GRM1: variants seen among roughly 807,000 people sequenced by gnomAD.
GRM1 encodes glutamate metabotropic receptor 1.
Under a neutral mutation model 90.9 loss-of-function variants are expected in GRM1, and 33 were observed. That is an observed-to-expected ratio of 0.36 (90% CI 0.28 to 0.49). The LOEUF is 0.49. Ranked by LOEUF, GRM1 falls within the 20% of genes least tolerant of loss-of-function variation. The pLI, the probability that GRM1 is intolerant of heterozygous loss-of-function variation, is 0.99. For missense variants in GRM1, 1,190 were observed against 1,534.3 expected (o/e 0.78, Z 3.75); for synonymous variants, 700 against 613.2 (o/e 1.14, Z -2.09).
intron 2 of GRM1, among the ~76,000 whole-genome samples, chr6:146,190,352 C>G (rs1778893754): frequency 6.6e-6 from 1 of 152,100 alleles, no homozygotes; most frequent in Non-Finnish European, 1.5e-5. Flanking sequence ...ACATTTTGAA[C>G]TAGTAAACAT....
At chr6:146,131,106 A>G (rs1405392655) in intron 1 of GRM1, among the ~76,000 whole-genome samples, 1 of 152,206 alleles carries the variant, frequency 6.6e-6, no homozygotes, top group Non-Finnish European at 1.5e-5. Context: ...AGGAGTTAGA[A>G]TAATTAAACA....
At chr6:146,384,420 G>A (rs940530563) in intron 5 of GRM1, among the ~76,000 whole-genome samples, 2 of 151,994 alleles carry the variant, frequency 1.3e-5, no homozygotes, top group African/African-American at 2.4e-5. Flanking sequence ...TAATAATGAG[G>A]CTAAACTATT....
At chr6:146,050,226 T>C (rs1487967244) in intron 1 of GRM1, among the ~76,000 whole-genome samples, 2 of 152,022 alleles carry the variant, frequency 1.3e-5, no homozygotes, top group African/African-American at 4.8e-5. Flanking sequence ...CCCAACTCAT[T>C]ACCAATTCAG....
chr6:146,208,462 T>G (rs1261847089), intron 2 of GRM1, among the ~76,000 whole-genome samples: 1 of 152,194 alleles, frequency 6.6e-6, no homozygotes, highest in Non-Finnish European at 1.5e-5. Context: ...TAACATTGGT[T>G]ATTCATACAG....
Position 146,336,491 on chromosome 6 carries a change from G to A in GRM1, c.1187-15759G>A, listed in dbSNP as rs896587191. Among the ~76,000 whole-genome samples, 11 of 152,282 alleles carry A rather than the reference G, an allele frequency of 7.2e-5. No homozygotes were observed. In the East Asian group the frequency reaches 1.2e-3, roughly 16 times the overall value. ...GGTTGAGTTCTGGCATACAGCAAAC[G>A]ATGGGGGAACAGAGTCTTCCTGATG... On this transcript the variant is annotated intron_variant, in intron 3 of 7. Coordinates refer to ENST00000282753, the MANE Select transcript of GRM1 (RefSeq NM_001278064.2).
At chr6:146,361,791 G>A (rs1051215747) in intron 5 of GRM1, among the ~76,000 whole-genome samples, 1 of 152,122 alleles carries the variant, frequency 6.6e-6, no homozygotes, top group East Asian at 1.9e-4. Context: ...ATCATCCCAC[G>A]GACACATGTT....
chr6:146,029,248 T>C lies in GRM1; in HGVS notation c.-270T>C. 1 of 524,162 alleles carries C rather than the reference T, an allele frequency of 1.9e-6. No individual in the cohort carries two copies. The highest frequency in any genetic ancestry group is 3.5e-6 in the Non-Finnish European group (1 of 289,310). The allele number at this position is 524,162 out of a possible 1,614,324, so 32.5% of individuals were successfully genotyped here. On this transcript the variant is annotated 5_prime_UTR_variant, in exon 1 of 8. Transcript: ENST00000282753. ...ACTTCCACTGTACTCTTGATCAATTTACCTTGATGCACTACCGGTGAAGAA... is the reference window on the plus strand; with the variant it reads ...ACTTCCACTGTACTCTTGATCAATTCACCTTGATGCACTACCGGTGAAGAA...
intron 2 of GRM1, among the ~76,000 whole-genome samples, chr6:146,193,732 A>G (rs1479191870): frequency 6.6e-6 from 1 of 152,014 alleles, no homozygotes; most frequent in Non-Finnish European, 1.5e-5. Flanking sequence ...ATTCTAGGTC[A>G]TACGTCTAGG....
At chr6:146,146,531 A>G (rs928395533) in intron 1 of GRM1, among the ~76,000 whole-genome samples, 1 of 152,188 alleles carries the variant, frequency 6.6e-6, no homozygotes, top group Non-Finnish European at 1.5e-5. Context: ...TGTGAAGGAC[A>G]TGAGTTTTGG....
chr6:146,315,977 G>A (rs1442731445), intron 3 of GRM1, among the ~76,000 whole-genome samples: 3 of 152,054 alleles, frequency 2.0e-5, no homozygotes, highest in Admixed American at 2.0e-4. Context: ...TATTAATTTT[G>A]TATTGCTGTC....
intron 2 of GRM1, among the ~76,000 whole-genome samples, chr6:146,299,018 G>A (rs776801583): frequency 6.6e-6 from 1 of 152,184 alleles, no homozygotes; most frequent in Non-Finnish European, 1.5e-5. Flanking sequence ...AGTCATAGCT[G>A]CTTGTTCCTG....
intron 2 of GRM1, among the ~76,000 whole-genome samples, chr6:146,178,933 A>G (rs1043809232): frequency 2.0e-5 from 3 of 152,204 alleles, no homozygotes; most frequent in African/African-American, 7.2e-5. Flanking sequence ...TAATCTACCC[A>G]CAACAAGGCC....
intron 2 of GRM1, among the ~76,000 whole-genome samples, chr6:146,166,551 G>A (rs1777911257): frequency 1.3e-5 from 2 of 152,088 alleles, no homozygotes; most frequent in South Asian, 4.1e-4. Context: ...AAAACAATTT[G>A]CAGTTCTCTT....
At chr6:146,056,400 G>A (rs74327077) in intron 1 of GRM1, among the ~76,000 whole-genome samples, 3,203 of 152,142 alleles carry the variant, frequency 0.021, 50 homozygotes, top group Admixed American at 0.032. Context: ...TATGTGAAAC[G>A]TCCCTGTCTT....
intron 2 of GRM1, among the ~76,000 whole-genome samples, chr6:146,177,279 C>T (rs1778371118): frequency 6.6e-6 from 1 of 152,058 alleles, no homozygotes; most frequent in Admixed American, 6.5e-5. Flanking sequence ...GTGACTTCCT[C>T]TGACAACTCA....
At chr6:146,071,306 G>A (rs914834851) in intron 1 of GRM1, among the ~76,000 whole-genome samples, 1 of 152,104 alleles carries the variant, frequency 6.6e-6, no homozygotes, top group Non-Finnish European at 1.5e-5. Context: ...GTTGCTACCC[G>A]CGGCCTGCAT....
chr6:146,294,849 C>CG (rs1043411666), intron 2 of GRM1, among the ~76,000 whole-genome samples: 4 of 152,290 alleles, frequency 2.6e-5, no homozygotes, highest in African/African-American at 9.6e-5. Flanking sequence ...ACAACCTCTA[C>CG]TGTGTGTTAG....
intron 2 of GRM1, among the ~76,000 whole-genome samples, chr6:146,213,825 C>T (rs952248286): frequency 3.3e-5 from 5 of 151,862 alleles, no homozygotes; most frequent in Non-Finnish European, 7.4e-5. Flanking sequence ...AGCTAGAGAC[C>T]CTGGGATGCT....
At chr6:146,034,288 A>G (rs2128837167) in intron 1 of GRM1, among the ~76,000 whole-genome samples, 1 of 152,128 alleles carries the variant, frequency 6.6e-6, no homozygotes, top group South Asian at 2.1e-4. Context: ...TTTCCATGTG[A>G]CATTTATCAT....
Sources: gnomAD v4.1 joint callset for allele counts (sites outside exome capture counted in the v4.1 genomes callset) on GRCh38, gnomAD v4.1.1 for gene constraint, MANE v1.5 for transcripts, NCBI Gene and HGNC (gene_info 2026-07-23, HGNC 2026-07-21) for gene names.